Variants in GPR158 observed in about 807,000 individuals in gnomAD.
GPR158 encodes G protein-coupled receptor 158.
GPR158 carries 30 observed loss-of-function variants against 78.2 expected under a neutral mutation model. The observed-to-expected ratio is 0.38, with a 90% confidence interval of 0.29 to 0.52. The LOEUF (loss-of-function observed/expected upper bound fraction) is 0.52, where lower values mean the gene tolerates loss of function less well. Among genes scored for constraint, GPR158 ranks in the 20% least tolerant of loss-of-function variants. GPR158 has a pLI of 0.83. For missense variants in GPR158, 1,463 were observed against 1,523.5 expected (o/e 0.96, Z 0.66); for synonymous variants, 581 against 591.1 (o/e 0.98, Z 0.25).
At chr10:25,458,967 G>A (rs1835324008) in intron 4 of GPR158, among the ~76,000 whole-genome samples, 1 of 152,230 alleles carries the variant, frequency 6.6e-6, no homozygotes, top group Admixed American at 6.5e-5. Flanking sequence ...AAATTTGATT[G>A]ATTTTTAAAT....
At chr10:25,528,062 T>C (rs1019513560) in intron 5 of GPR158, among the ~76,000 whole-genome samples, 5 of 152,028 alleles carry the variant, frequency 3.3e-5, no homozygotes, top group African/African-American at 1.2e-4. Flanking sequence ...GAAATAAAGC[T>C]ATAGACAAAG....
At chr10:25,294,025 T>C (rs1302106935) in intron 2 of GPR158, among the ~76,000 whole-genome samples, 8 of 152,236 alleles carry the variant, frequency 5.3e-5, no homozygotes, top group Non-Finnish European at 1.0e-4. Flanking sequence ...ATTACAGGCC[T>C]GAGCCACTGC....
chr10:25,359,782 T>C (rs771803079), intron 2 of GPR158, among the ~76,000 whole-genome samples: 1 of 152,212 alleles, frequency 6.6e-6, no homozygotes. Flanking sequence ...TACCCAGTAA[T>C]GGGATGGCTG....
intron 2 of GPR158, among the ~76,000 whole-genome samples, chr10:25,354,220 T>A (rs552409843): frequency 6.6e-6 from 1 of 152,040 alleles, no homozygotes; most frequent in African/African-American, 2.4e-5. Context: ...CCAGGCGTGG[T>A]GGCTCATGCC....
chr10:25,594,023 C>T (rs1314638363), intron 8 of GPR158, among the ~76,000 whole-genome samples: 1 of 152,016 alleles, frequency 6.6e-6, no homozygotes, highest in East Asian at 1.9e-4. Flanking sequence ...TTAGAGGCCA[C>T]TTTACATACA....
At chr10:25,369,202 A>G (rs1209302787) in intron 2 of GPR158, among the ~76,000 whole-genome samples, 1 of 150,794 alleles carries the variant, frequency 6.6e-6, no homozygotes, top group Non-Finnish European at 1.5e-5. Context: ...TTCCAACACT[A>G]TGTTGACTAG....
intron 3 of GPR158, among the ~76,000 whole-genome samples, chr10:25,405,890 C>G (rs1260280236): frequency 1.3e-5 from 2 of 151,966 alleles, no homozygotes; most frequent in Non-Finnish European, 2.9e-5. Context: ...TCTTAGTGAC[C>G]TACAAGATCC....
chr10:25,253,215 G>A (rs1010782825), intron 2 of GPR158, among the ~76,000 whole-genome samples: 145 of 152,336 alleles, frequency 9.5e-4, no homozygotes, highest in Non-Finnish European at 1.6e-3. Context: ...CCACTGTCTG[G>A]CACTCCCTAG....
intron 2 of GPR158, among the ~76,000 whole-genome samples, chr10:25,377,052 C>G (rs956615485): frequency 6.6e-6 from 1 of 151,630 alleles, no homozygotes; most frequent in East Asian, 1.9e-4. Context: ...GTTTGTAGTG[C>G]CTCTTCAATA....
intron 2 of GPR158, among the ~76,000 whole-genome samples, chr10:25,238,223 C>T (rs1266727076): frequency 2.0e-5 from 3 of 152,186 alleles, no homozygotes; most frequent in Non-Finnish European, 4.4e-5. Flanking sequence ...TTCTTCACTC[C>T]ATATCCTCCC....
intron 1 of GPR158, among the ~76,000 whole-genome samples, chr10:25,195,230 G>C (rs1332921960): frequency 6.6e-6 from 1 of 150,416 alleles, no homozygotes; most frequent in Non-Finnish European, 1.5e-5. Flanking sequence ...TTTTGAGACG[G>C]AATCTCACTC....
chr10:25,323,698 T>TA (rs3054023), intron 2 of GPR158, among the ~76,000 whole-genome samples: 16 of 151,124 alleles, frequency 1.1e-4, no homozygotes, highest in Admixed American at 7.2e-4. Flanking sequence ...TTTTTTTTTT[T>TA]ATAGAGACAG....
chr10:25,444,342 ATG>A (rs1424411242), intron 4 of GPR158, among the ~76,000 whole-genome samples: 1 of 148,104 alleles, frequency 6.8e-6, no homozygotes, highest in Middle Eastern at 3.5e-3. Flanking sequence ...GTTGGGTTGT[ATG>A]TGTGGAAGTG....
intron 6 of GPR158, 109 bp from the exon 7 acceptor site, chr10:25,572,540 T>G: frequency 3.9e-6 from 3 of 768,684 alleles, no homozygotes; most frequent in Middle Eastern, 3.1e-4. Flanking sequence ...CAAACTCTGA[T>G]TAGCTGGATT....
intron 2 of GPR158, among the ~76,000 whole-genome samples, chr10:25,299,527 A>G (rs1180799683): frequency 6.6e-6 from 1 of 152,134 alleles, no homozygotes; most frequent in Non-Finnish European, 1.5e-5. Context: ...TTCACTTAGT[A>G]TAATATCCTT....
At chr10:25,484,798 A>G (rs751494708) in intron 5 of GPR158, among the ~76,000 whole-genome samples, 9 of 152,136 alleles carry the variant, frequency 5.9e-5, no homozygotes, top group Non-Finnish European at 1.2e-4. Flanking sequence ...GAATACAAAA[A>G]TGCTTCTCAA....
chr10:25,186,979 TTTTG>T, intron 1 of GPR158, among the ~76,000 whole-genome samples: 1 of 148,104 alleles, frequency 6.8e-6, no homozygotes, highest in African/African-American at 2.5e-5. Flanking sequence ...TTTTTTTTTT[TTTTG>T]AGGTGGAGTC....
intron 5 of GPR158, among the ~76,000 whole-genome samples, chr10:25,530,179 G>A (rs1178195019): frequency 1.3e-5 from 2 of 151,932 alleles, no homozygotes; most frequent in Non-Finnish European, 2.9e-5. Flanking sequence ...GTAACTGTGT[G>A]GCTTCTTCAA....
chr10:25,181,658 T>C (rs980295491), intron 1 of GPR158, among the ~76,000 whole-genome samples: 4 of 152,208 alleles, frequency 2.6e-5, no homozygotes, highest in African/African-American at 7.2e-5. Context: ...TTGGACAAGA[T>C]GACTCCTTAT....
Sources: allele counts gnomAD v4.1 joint callset (sites outside exome capture counted in the v4.1 genomes callset), GRCh38; gene constraint gnomAD v4.1.1; transcripts MANE v1.5; gene names NCBI Gene and HGNC (gene_info 2026-07-23, HGNC 2026-07-21).